Variants in SLIT3 observed in about 807,000 individuals in gnomAD.
SLIT3 encodes slit homolog 3 protein.
Under a neutral mutation model 184.0 loss-of-function variants are expected in SLIT3, and 68 were observed. The ratio of observed to expected loss-of-function variants is 0.37; its 90% CI spans 0.30 to 0.45. SLIT3 has a LOEUF of 0.45. SLIT3 is among the 20% of genes least tolerant of loss of function. The pLI, the probability that SLIT3 is intolerant of heterozygous loss-of-function variation, is 1.00. For missense variants in SLIT3, 1,707 were observed against 2,026.0 expected (o/e 0.84, Z 3.02); for synonymous variants, 831 against 828.6 (o/e 1.00, Z -0.05).
intron 3 of SLIT3, among the ~76,000 whole-genome samples, chr5:169,215,160 A>G (rs1400707589): frequency 4.6e-5 from 7 of 152,154 alleles, no homozygotes; most frequent in Admixed American, 4.6e-4. Context: ...CCTACCTGGA[A>G]AGCTTTGTGT....
At chr5:168,917,226 A>G (rs1761471544) in intron 4 of SLIT3, among the ~76,000 whole-genome samples, 1 of 152,184 alleles carries the variant, frequency 6.6e-6, no homozygotes, top group Non-Finnish European at 1.5e-5. Flanking sequence ...GATCAAGTGG[A>G]GGTGAGCTTT....
At chr5:169,022,113 T>C (rs937777085) in intron 4 of SLIT3, 1 of 152,264 alleles carries the variant, frequency 6.6e-6, no homozygotes, top group Non-Finnish European at 1.5e-5. Flanking sequence ...GAGAATTCCC[T>C]TGCCTCCATG....
At chr5:169,032,599 GT>G (rs5873142) in intron 4 of SLIT3, among the ~76,000 whole-genome samples, 23,738 of 110,266 alleles carry the variant, frequency 0.22, 2,414 homozygotes, top group East Asian at 0.53. Context: ...TTTTAGTTTC[GT>G]TTTTTTTTTT....
At chr5:168,742,241 T>G (rs1485872054) in intron 20 of SLIT3, among the ~76,000 whole-genome samples, 2 of 148,520 alleles carry the variant, frequency 1.3e-5, no homozygotes, top group Non-Finnish European at 3.0e-5. Context: ...GGGACTCACC[T>G]CTGGGCTCCT....
chr5:168,906,984 C>T (rs1052980109), intron 4 of SLIT3, among the ~76,000 whole-genome samples: 6 of 152,058 alleles, frequency 3.9e-5, no homozygotes, highest in Non-Finnish European at 8.8e-5. Flanking sequence ...CCTCAGCCTC[C>T]CGAGTAGCTG....
intron 6 of SLIT3, among the ~76,000 whole-genome samples, chr5:168,842,895 G>A (rs1250329593): frequency 6.6e-6 from 1 of 152,208 alleles, no homozygotes; most frequent in Admixed American, 6.5e-5. Context: ...GGAAAAAGGT[G>A]ATGTGCTGTG....
chr5:168,874,938 C>T (rs1759675600), intron 5 of SLIT3, among the ~76,000 whole-genome samples: 1 of 152,184 alleles, frequency 6.6e-6, no homozygotes, highest in African/African-American at 2.4e-5. Flanking sequence ...GACAAAAATT[C>T]ACTAGAGCAG....
intron 4 of SLIT3, among the ~76,000 whole-genome samples, chr5:169,102,840 G>A (rs527674983): frequency 6.6e-6 from 1 of 152,284 alleles, no homozygotes; most frequent in Admixed American, 6.5e-5. Context: ...AGAAGCACTC[G>A]AATGATATCT....
intron 7 of SLIT3, among the ~76,000 whole-genome samples, chr5:168,819,503 A>G (rs1757451182): frequency 6.6e-6 from 1 of 152,194 alleles, no homozygotes; most frequent in Admixed American, 6.5e-5. Context: ...TTATTTGGAA[A>G]GGTGGTTGCC....
At chr5:169,267,480 C>T (rs999065711) in intron 1 of SLIT3, among the ~76,000 whole-genome samples, 1 of 152,150 alleles carries the variant, frequency 6.6e-6, no homozygotes, top group African/African-American at 2.4e-5. Flanking sequence ...TTAACTTGAG[C>T]TCTTTATTGA....
intron 4 of SLIT3, among the ~76,000 whole-genome samples, chr5:169,173,344 CAGAGA>C (rs1762874936): frequency 6.6e-6 from 1 of 152,128 alleles, no homozygotes. Context: ...CATAAAGATG[CAGAGA>C]AGAGAAAACA....
At chr5:169,169,770 C>T (rs1031595943) in intron 4 of SLIT3, among the ~76,000 whole-genome samples, 3 of 152,230 alleles carry the variant, frequency 2.0e-5, no homozygotes, top group African/African-American at 7.2e-5. Flanking sequence ...CACAGAAACA[C>T]GACCTGACTG....
intron 4 of SLIT3, among the ~76,000 whole-genome samples, chr5:168,953,308 T>C (rs1762722087): frequency 6.6e-6 from 1 of 152,186 alleles, no homozygotes; most frequent in Non-Finnish European, 1.5e-5. Context: ...CAATTTACTA[T>C]GCCCATCTCA....
At chr5:169,298,930 CAT>C (rs765860424) in intron 1 of SLIT3, among the ~76,000 whole-genome samples, 1 of 152,326 alleles carries the variant, frequency 6.6e-6, no homozygotes, top group East Asian at 1.9e-4. Context: ...TTCACTAACT[CAT>C]GTGGCTAGCA....
chr5:169,004,749 A>T (rs1209772262), intron 4 of SLIT3, among the ~76,000 whole-genome samples: 1 of 152,048 alleles, frequency 6.6e-6, no homozygotes, highest in Non-Finnish European at 1.5e-5. Context: ...ATGAAGATGG[A>T]ATCTTCATGA....
chr5:169,210,906 A>G (rs1764244111), intron 3 of SLIT3, among the ~76,000 whole-genome samples: 1 of 152,204 alleles, frequency 6.6e-6, no homozygotes, highest in Non-Finnish European at 1.5e-5. Flanking sequence ...TCCATGTTCC[A>G]TTGATGTTGG....
At chr5:169,034,619 C>T (rs904870184) in intron 4 of SLIT3, among the ~76,000 whole-genome samples, 8 of 152,082 alleles carry the variant, frequency 5.3e-5, no homozygotes, top group African/African-American at 1.9e-4. Context: ...TTCCACTGGC[C>T]AAGTGGTGCC....
intron 20 of SLIT3, among the ~76,000 whole-genome samples, chr5:168,732,664 C>A (rs1347315914): frequency 6.6e-6 from 1 of 152,030 alleles, no homozygotes; most frequent in East Asian, 1.9e-4. Flanking sequence ...AAAAATAAAG[C>A]CACATTCCTA....
chr5:169,121,885 T>A (rs534003924), intron 4 of SLIT3, among the ~76,000 whole-genome samples: 1 of 152,300 alleles, frequency 6.6e-6, no homozygotes, highest in South Asian at 2.1e-4. Flanking sequence ...GAATTCCAGT[T>A]TAGTGCTCCT....
Sources: allele counts gnomAD v4.1 joint callset (sites outside exome capture counted in the v4.1 genomes callset), GRCh38; gene constraint gnomAD v4.1.1; transcripts MANE v1.5; gene names NCBI Gene and HGNC (gene_info 2026-07-23, HGNC 2026-07-21).